ADCY9: variants seen among roughly 807,000 people sequenced by gnomAD.
ADCY9 encodes adenylate cyclase type 9.
A neutral mutation model predicts 101.5 loss-of-function variants in ADCY9; 50 were observed. The observed-to-expected ratio is 0.49, with a 90% CI of 0.39 to 0.62. The LOEUF (loss-of-function observed/expected upper bound fraction) is 0.62, where lower values mean the gene tolerates loss of function less well. Among genes scored for constraint, ADCY9 ranks in the 20% least tolerant of loss-of-function variants. ADCY9 has a pLI of 0.00. For synonymous variants in ADCY9, 905 were observed against 769.3 expected (o/e 1.18, Z -2.92); for missense variants, 1,662 against 1,800.4 (o/e 0.92, Z 1.39).
chr16:4,092,881 G>A (rs1166928245), intron 2 of ADCY9, among the ~76,000 whole-genome samples: 2 of 151,960 alleles, frequency 1.3e-5, no homozygotes, highest in African/African-American at 4.8e-5. Context: ...ATGTGATACA[G>A]GAAAGCACAC....
chr16:4,103,323 T>A (rs2057055719), intron 2 of ADCY9, among the ~76,000 whole-genome samples: 1 of 152,212 alleles, frequency 6.6e-6, no homozygotes, highest in Non-Finnish European at 1.5e-5. Flanking sequence ...TTGCAAGGCA[T>A]CTGTGGAGTC....
chr16:4,052,662 C>A (rs1261028535), intron 2 of ADCY9, among the ~76,000 whole-genome samples: 1 of 152,176 alleles, frequency 6.6e-6, no homozygotes, highest in Non-Finnish European at 1.5e-5. Flanking sequence ...GAATTCTGTT[C>A]TTTGAATCAC....
chr16:4,031,348 T>C (rs752935939), intron 2 of ADCY9, among the ~76,000 whole-genome samples: 2 of 152,112 alleles, frequency 1.3e-5, no homozygotes, highest in African/African-American at 2.4e-5. Flanking sequence ...AGAGGACAAA[T>C]ATAGATACAC....
intron 2 of ADCY9, among the ~76,000 whole-genome samples, chr16:4,086,030 G>A (rs1486761692): frequency 1.3e-5 from 2 of 152,026 alleles, no homozygotes; most frequent in Non-Finnish European, 2.9e-5. Context: ...TAATGTGTAG[G>A]CAGTCAACCA....
At chr16:3,969,485 C>T (rs531516635) in intron 10 of ADCY9, among the ~76,000 whole-genome samples, 8 of 141,886 alleles carry the variant, frequency 5.6e-5, no homozygotes, top group South Asian at 2.2e-4. Flanking sequence ...GTGATCTGCC[C>T]GCCTCGACCT....
intron 2 of ADCY9, among the ~76,000 whole-genome samples, chr16:4,031,253 G>C (rs771886956): frequency 1.3e-5 from 2 of 152,196 alleles, no homozygotes; most frequent in Non-Finnish European, 2.9e-5. Flanking sequence ...GTTCATAGGA[G>C]ATACATGCTG....
intron 3 of ADCY9, among the ~76,000 whole-genome samples, chr16:4,000,054 C>T (rs545048705): frequency 1.1e-4 from 16 of 152,320 alleles, no homozygotes; most frequent in African/African-American, 3.8e-4. Context: ...CTTCTCAACA[C>T]GACTGTTTTG....
chr16:4,017,831 T>C (rs769620294), intron 2 of ADCY9, among the ~76,000 whole-genome samples: 20 of 152,140 alleles, frequency 1.3e-4, no homozygotes, highest in Non-Finnish European at 2.4e-4. Flanking sequence ...AATCATCCAA[T>C]TTGCAGCTCT....
intron 3 of ADCY9, among the ~76,000 whole-genome samples, chr16:4,003,304 A>G (rs1483556980): frequency 1.3e-5 from 2 of 152,078 alleles, no homozygotes; most frequent in Admixed American, 1.3e-4. Flanking sequence ...AGAGTCAGTG[A>G]CTTCCTGCAG....
rs774173598 is a variant in ADCY9 at position 3,993,457 on chromosome 16, C to G, written c.1938G>C (p.Glu646Asp). ...GGCAGCCGTTTTGAGGTGCTCCTCC[C>G]TCGGCGCCGGCTTCAGATTTGGGAG... is the stretch of plus-strand genomic sequence containing the variant. ...TFAPKSEAGA[E>D]GGAPQNGCQD... Residue 646 changes from glutamate to aspartate, a missense_variant, in exon 4 of 11, where the codon GAG becomes GAC. Glu to Asp is a conservative substitution (Grantham distance 45, BLOSUM62 2). Transcript: ENST00000294016. 1.5e-5 allele frequency: 24 copies of G among 1,614,220 alleles called. No homozygotes were observed. Among genetic ancestry groups the G allele is most frequent in the Non-Finnish European group, 1.9e-5 (23 of 1,180,038 alleles).
chr16:4,018,750 A>C (rs2056455008), intron 2 of ADCY9, among the ~76,000 whole-genome samples: 1 of 152,188 alleles, frequency 6.6e-6, no homozygotes. Flanking sequence ...AGAGGCTGAC[A>C]GTTTCCCAGA....
chr16:4,076,728 T>C lies in ADCY9; in HGVS notation c.1693+37022A>G, dbSNP rs193108785. On this transcript the variant is annotated intron_variant, in intron 2 of 10. Transcript: ENST00000294016. ...AGAACCAAATGGCATCAATAATTTT[T>C]TTTTTAGACAAGGTCTTGCTCTGTT... 2.0e-4 allele frequency among the ~76,000 whole-genome samples: 30 copies of C among 152,348 alleles called. 1 individual carries two copies. The East Asian group carries it at 3.5e-3, about 18-fold the overall frequency.
chr16:3,979,244 A>T lies in ADCY9; in HGVS notation c.2551T>A (p.Cys851Ser). The T allele has an allele frequency of 6.2e-7, 1 of 1,613,956 alleles. No homozygotes were observed. Among genetic ancestry groups the T allele is most frequent in the Admixed American group, 1.7e-5 (1 of 60,022 alleles). The change falls in exon 8 of 11, where the codon TGC (cysteine) becomes AGC (serine). Residue 851 changes from cysteine (C) to serine (S), a missense_variant. Cys to Ser is a moderately radical substitution (Grantham distance 112, BLOSUM62 -1). This residue lies in a region of ADCY9 where 624 missense variants were observed against 639.1 expected (regional missense o/e 0.98). Transcript: ENST00000294016. The part of the protein sequence containing the change: ...MVFFLEDVMA[C>S]TKRLLEWIAG... ...ATCCACTCCAGCAGGCGCTTGGTGC[A>T]GGCCATGACGTCCTCCAGGAAGAAC...
rs769603116 is a variant in ADCY9, at chr16:4,115,379, T to C, written c.64A>G (p.Ser22Gly). Residue 22 changes from serine to glycine, a missense_variant, in exon 2 of 11, where the codon AGC becomes GGC. This residue lies in a region of ADCY9 where 422 missense variants were observed against 392.0 expected (regional missense o/e 1.08). Coordinates refer to ENST00000294016, the MANE Select transcript of ADCY9 (RefSeq NM_001116.4). The surrounding 1 kb of genome is among the most constrained non-coding windows in gnomAD (Gnocchi z 6.2). ...HHSTEVSCDS[S>G]GDSNSVRVKI... ...ACGCGCACGCTGTTGCTGTCCCCGC[T>C]GGAGTCGCAGCTCACCTCGGTGCTG... is the stretch of plus-strand genomic sequence containing the variant. 2 of 1,603,146 alleles carry C rather than the reference T, an allele frequency of 1.2e-6. No individual in the cohort carries two copies. Among genetic ancestry groups the C allele is most frequent in the Non-Finnish European group, 1.7e-6 (2 of 1,175,372 alleles).
At chr16:4,058,456 CTT>C (rs1311333455) in intron 2 of ADCY9, among the ~76,000 whole-genome samples, 1 of 148,246 alleles carries the variant, frequency 6.7e-6, no homozygotes, top group Non-Finnish European at 1.5e-5. Context: ...CAGAGAAACT[CTT>C]GTCTCCAAGA....
At chr16:3,980,663 C>G (rs114240626) in intron 7 of ADCY9, among the ~76,000 whole-genome samples, 2 of 152,336 alleles carry the variant, frequency 1.3e-5, no homozygotes, top group South Asian at 4.1e-4. Flanking sequence ...CCCACATGGA[C>G]GCAGGCACAG....
rs143999770 is a variant in ADCY9, at chr16:3,993,438, C to T, written c.1957G>A (p.Gly653Ser). The T allele has an allele frequency of 1.6e-5, 26 of 1,614,046 alleles. No homozygotes were observed. In the South Asian group the frequency reaches 1.8e-4, roughly 11 times the overall value. Residue 653 changes from glycine (G) to serine (S), a missense_variant, in exon 4 of 11, where the codon GGC becomes AGC. By Grantham distance (56) the Gly-to-Ser change is moderately conservative (BLOSUM62 0). Around this residue, in one of 5 missense-constraint regions of ADCY9, gnomAD observed 624 missense variants for 639.1 expected, o/e 0.98. Coordinates refer to ENST00000294016, the MANE Select transcript of ADCY9 (RefSeq NM_001116.4). ...AGAEGGAPQN[G>S]CQDEHKNSTK... ...CTGTTTTTATGCTCGTCTTGGCAGC[C>T]GTTTTGAGGTGCTCCTCCCTCGGCG...
At position 4,073,452 on chromosome 16, in the gene ADCY9, A is replaced by G. The variant is rs185972290; in HGVS notation, c.1693+40298T>C. On this transcript the variant is annotated intron_variant, in intron 2 of 10. Transcript: ENST00000294016. ...ACTCAGTTGCCCAGACTGGAATGCA[A>G]TGGCGCGATCTCAGCTCACTGCAAC... Among the ~76,000 whole-genome samples, 329 of 140,150 alleles carry G rather than the reference A, an allele frequency of 2.3e-3. 5 individuals carry two copies. The South Asian group carries it at 0.024, about 10-fold the overall frequency. 91.9% of individuals were successfully genotyped at this position (140,150 alleles called of 152,430 possible).
At chr16:3,969,614 T>TATATATATATATA (rs1567414929) in intron 10 of ADCY9, among the ~76,000 whole-genome samples, 2 of 50,714 alleles carry the variant, frequency 3.9e-5, no homozygotes, top group Admixed American at 2.5e-4. Flanking sequence ...ATATATGTAT[T>TATATATATATATA]TTTTTTTTTT....
Sources: gnomAD v4.1 joint callset for allele counts (sites outside exome capture counted in the v4.1 genomes callset) on GRCh38, gnomAD v4.1.1 for gene constraint, gnomAD v4.1.1 regional missense constraint, Gnocchi (gnomAD v3.1) non-coding constraint, MANE v1.5 for transcripts, NCBI Gene and HGNC (gene_info 2026-07-23, HGNC 2026-07-21) for gene names.